Variants in PTDSS1 observed in about 807,000 individuals in gnomAD.
The protein encoded by PTDSS1 is PSS-1.
A neutral mutation model predicts 70.5 loss-of-function variants in PTDSS1; 45 were observed. The ratio of observed to expected loss-of-function variants is 0.64; its 90% CI spans 0.50 to 0.82. The LOEUF (loss-of-function observed/expected upper bound fraction) is 0.82. Ranked by LOEUF, PTDSS1 falls within the 40% of genes least tolerant of loss-of-function variation. The pLI, the probability that PTDSS1 is intolerant of heterozygous loss-of-function variation, is 0.00. For synonymous variants in PTDSS1, 188 were observed against 203.8 expected (o/e 0.92, Z 0.66); for missense variants, 417 against 586.1 (o/e 0.71, Z 2.98).
chr8:96,322,622 A>T (rs7821730), intron 10 of PTDSS1, among the ~76,000 whole-genome samples: 71,457 of 151,972 alleles, frequency 0.47, 17,475 homozygotes, highest in African/African-American at 0.52. Flanking sequence ...ACAGCTAAGT[A>T]TCAACATGAG....
chr8:96,310,826 C>T (rs893244533), intron 9 of PTDSS1, among the ~76,000 whole-genome samples: 6 of 151,546 alleles, frequency 4.0e-5, no homozygotes, highest in South Asian at 2.1e-4. Flanking sequence ...AGTACAGTGG[C>T]GTGATCTCGG....
At chr8:96,313,231 G>C (rs1811237357) in intron 9 of PTDSS1, among the ~76,000 whole-genome samples, 2 of 152,200 alleles carry the variant, frequency 1.3e-5, no homozygotes, top group Admixed American at 1.3e-4. Flanking sequence ...CCTAACGGTT[G>C]TGCCATAGAC....
intron 4 of PTDSS1, among the ~76,000 whole-genome samples, chr8:96,290,839 A>C (rs925016189): frequency 1.7e-4 from 25 of 147,936 alleles, no homozygotes; most frequent in African/African-American, 6.1e-4. Flanking sequence ...TAATATTATA[A>C]ATTAATATTA....
At chr8:96,303,277 C>A (rs1306297996) in intron 6 of PTDSS1, among the ~76,000 whole-genome samples, 3 of 152,098 alleles carry the variant, frequency 2.0e-5, no homozygotes, top group Non-Finnish European at 4.4e-5. Context: ...TTTCTCAATA[C>A]GAGTTTGTTG....
rs1029762860 is a variant in PTDSS1 at position 96,334,734 on chromosome 8, C to A, written c.*1168C>A. 1.3e-5 allele frequency: 2 copies of A among 152,152 alleles called. No individual in the cohort carries two copies. The highest frequency in any genetic ancestry group is 2.9e-5 in the Non-Finnish European group (2 of 68,030). The allele number at this position is 152,152 out of a possible 1,614,324, so 9.4% of individuals were successfully genotyped here. On this transcript the variant is annotated 3_prime_UTR_variant, in exon 13 of 13. Transcript: ENST00000517309. ...CATATATGTCCTACTTCTTAGACTA[C>A]CCAAGTGACCAACAGGAATGAACAA...
intron 3 of PTDSS1, among the ~76,000 whole-genome samples, chr8:96,286,667 C>T (rs1404270442): frequency 3.3e-5 from 5 of 152,200 alleles, no homozygotes; most frequent in Admixed American, 2.0e-4. Flanking sequence ...TAGCCACATA[C>T]GGGGTCCTAG....
At chr8:96,277,157 A>C (rs938825619) in intron 2 of PTDSS1, among the ~76,000 whole-genome samples, 7 of 152,244 alleles carry the variant, frequency 4.6e-5, no homozygotes, top group African/African-American at 1.7e-4. Flanking sequence ...GATTCTCTTC[A>C]AGCCATGTAT....
Position 96,287,278 on chromosome 8 carries a change from G to T in PTDSS1, c.441+132G>T, listed in dbSNP as rs982114937. ...TAGTTACCTAAAAACCAGGTCTCTG[G>T]GAGGGTTGTTGAGTTGCATGGTTGT... On this transcript the variant is annotated intron_variant, in intron 4 of 12. Transcript: ENST00000517309. The T allele has an allele frequency of 1.3e-5, 17 of 1,294,366 alleles. No homozygotes were observed. The African/African-American group carries it at 1.5e-4, about 11-fold the overall frequency. 80.2% of individuals were successfully genotyped at this position (1,294,366 alleles called of 1,614,324 possible).
chr8:96,283,013 A>G (rs372508528), intron 2 of PTDSS1, among the ~76,000 whole-genome samples: 36 of 152,176 alleles, frequency 2.4e-4, no homozygotes, highest in African/African-American at 8.4e-4. Flanking sequence ...AGCATGGGCT[A>G]TGGTCTGCCC....
At chr8:96,302,125 TCTC>T (rs1363634519) in intron 6 of PTDSS1, among the ~76,000 whole-genome samples, 1 of 152,078 alleles carries the variant, frequency 6.6e-6, no homozygotes, top group Non-Finnish European at 1.5e-5. Flanking sequence ...TTTAAGCAGT[TCTC>T]CTGCATCAGC....
chr8:96,276,858 G>A (rs560963281), intron 2 of PTDSS1, among the ~76,000 whole-genome samples: 9 of 152,198 alleles, frequency 5.9e-5, no homozygotes, highest in African/African-American at 2.2e-4. Context: ...CTCATGTGTT[G>A]TCTGTGACTG....
intron 1 of PTDSS1, among the ~76,000 whole-genome samples, chr8:96,271,192 T>G (rs892487470): frequency 6.6e-6 from 1 of 152,184 alleles, no homozygotes; most frequent in Non-Finnish European, 1.5e-5. Flanking sequence ...CACCATTTTT[T>G]TGGGTGGATT....
At chr8:96,282,227 G>A (rs1026567668) in intron 2 of PTDSS1, among the ~76,000 whole-genome samples, 3 of 152,118 alleles carry the variant, frequency 2.0e-5, no homozygotes, top group African/African-American at 2.4e-5. Flanking sequence ...AAGAGCTATC[G>A]CCTACCATGA....
chr8:96,307,082 G>A (rs1431168750), intron 8 of PTDSS1, among the ~76,000 whole-genome samples: 5 of 152,102 alleles, frequency 3.3e-5, no homozygotes, highest in African/African-American at 4.8e-5. Flanking sequence ...CTGGATTAAT[G>A]TGGGGCCCTA....
At chr8:96,332,713 T>G (rs932427997) in intron 12 of PTDSS1, among the ~76,000 whole-genome samples, 1 of 152,218 alleles carries the variant, frequency 6.6e-6, no homozygotes, top group Non-Finnish European at 1.5e-5. Context: ...AAAACAGAAG[T>G]CTTCTGAGTG....
chr8:96,291,175 G>A (rs1187750815), intron 4 of PTDSS1, among the ~76,000 whole-genome samples: 1 of 152,002 alleles, frequency 6.6e-6, no homozygotes, highest in Admixed American at 6.6e-5. Context: ...GGGTGGGCAT[G>A]TTCCCTGTCC....
chr8:96,273,336 A>G lies in PTDSS1; in HGVS notation c.217A>G (p.Ile73Val), dbSNP rs112204704. The change falls in exon 2 of 13, where the codon ATC (isoleucine) becomes GTC (valine). Residue 73 changes from isoleucine to valine, a missense_variant. Ile to Val is a conservative substitution (Grantham distance 29). Around this residue, in one of 3 missense-constraint regions of PTDSS1, gnomAD observed 272 missense variants for 429.5 expected, o/e 0.63. Transcript: ENST00000517309. ...SVPEDNIWRGILSVIFFFLII... is the reference protein window; with the variant it reads ...SVPEDNIWRGVLSVIFFFLII... ...TCCAGAAGACAACATCTGGAGAGGCATCCTCTCTGTTATTTTCTTCTTTCT... is the reference window on the plus strand; with the variant it reads ...TCCAGAAGACAACATCTGGAGAGGCGTCCTCTCTGTTATTTTCTTCTTTCT... 3.1e-6 allele frequency: 5 copies of G among 1,612,598 alleles called. No homozygotes were observed. The highest frequency in any genetic ancestry group is 4.2e-6 in the Non-Finnish European group (5 of 1,179,506).
intron 11 of PTDSS1, 115 bp from the exon 12 acceptor site, chr8:96,330,911 C>A: frequency 1.2e-6 from 1 of 818,060 alleles, no homozygotes; most frequent in Non-Finnish European, 2.0e-6. Flanking sequence ...CTGTCACTTG[C>A]CAGTGATGAT....
intron 2 of PTDSS1, among the ~76,000 whole-genome samples, chr8:96,275,093 T>C (rs1431644582): frequency 6.6e-6 from 1 of 152,148 alleles, no homozygotes; most frequent in African/African-American, 2.4e-5. Flanking sequence ...TTGTGCATAA[T>C]ATGGGTAAGT....
Sources: gnomAD v4.1 joint callset for allele counts (sites outside exome capture counted in the v4.1 genomes callset) on GRCh38, gnomAD v4.1.1 for gene constraint, gnomAD v4.1.1 regional missense constraint, MANE v1.5 for transcripts, NCBI Gene and HGNC (gene_info 2026-07-23, HGNC 2026-07-21) for gene names.